Variants in GABRA3 observed in about 807,000 individuals in gnomAD.
GABRA3 encodes the protein gamma-aminobutyric acid receptor subunit alpha-3.
In GABRA3, 10 loss-of-function variants were observed where a neutral mutation model predicts 30.1. The ratio of observed to expected loss-of-function variants is 0.33; its 90% CI spans 0.20 to 0.56. The LOEUF (loss-of-function observed/expected upper bound fraction) is 0.56. Among genes scored for constraint, GABRA3 ranks in the 20% least tolerant of loss-of-function variants. GABRA3 has a pLI of 0.89. For missense variants in GABRA3, 233 were observed against 392.0 expected, an observed-to-expected ratio of 0.59 and a Z score of 3.42; for synonymous variants, 151 against 146.8, an observed-to-expected ratio of 1.03 and a Z score of -0.21.
At chrX:152,360,738 TTAAA>T (rs1374638786) in intron 2 of GABRA3, among the ~76,000 whole-genome samples, 1 of 54,136 alleles carries the variant, frequency 1.8e-5, no homozygotes, top group Non-Finnish European at 3.5e-5. Flanking sequence ...AAAAAAAAAA[TTAAA>T]AAAAAAAATA....
intron 1 of GABRA3, among the ~76,000 whole-genome samples, chrX:152,426,544 G>A (rs1437602816): frequency 2.7e-5 from 3 of 111,553 alleles, no homozygotes; most frequent in Non-Finnish European, 5.7e-5. Context: ...CAACCCTGTG[G>A]TGGGCATGGT....
intron 1 of GABRA3, among the ~76,000 whole-genome samples, chrX:152,449,940 CCAAA>C (rs1931180944): frequency 9.0e-6 from 1 of 111,698 alleles, no homozygotes; most frequent in African/African-American, 3.3e-5. Flanking sequence ...GTAATACACA[CCAAA>C]CACTCAGCCC....
intron 6 of GABRA3, among the ~76,000 whole-genome samples, chrX:152,215,553 A>G (rs1937705134): frequency 9.0e-6 from 1 of 111,309 alleles, no homozygotes; most frequent in South Asian, 3.7e-4. Flanking sequence ...CACATGTACA[A>G]GAATGAGACT....
chrX:152,418,401 T>A (rs1930288402), intron 1 of GABRA3, among the ~76,000 whole-genome samples: 1 of 111,560 alleles, frequency 9.0e-6, no homozygotes, highest in South Asian at 3.7e-4. Context: ...ATTTGGAAAT[T>A]AAGCAAATTA....
intron 5 of GABRA3, among the ~76,000 whole-genome samples, chrX:152,225,919 G>C (rs764764781): frequency 4.5e-5 from 5 of 110,619 alleles, no homozygotes; most frequent in Non-Finnish European, 9.5e-5. Context: ...TCCCCCAATG[G>C]CTTCTTCCCT....
intron 4 of GABRA3, among the ~76,000 whole-genome samples, chrX:152,275,238 T>TAA (rs1569378354): frequency 3.3e-4 from 17 of 51,282 alleles, no homozygotes; most frequent in African/African-American, 1.2e-3. Context: ...TTTATATATA[T>TAA]TTTATTATAT....
Position 152,315,674 on chromosome X carries a change from A to C in GABRA3, c.262+29907T>G, listed in dbSNP as rs183934577. On this transcript the variant is annotated intron_variant, in intron 3 of 9. Transcript: ENST00000370314. ...CATTTGTGGGAGCACGGTAGGAGTG[A>C]GACTGGCCTGTTGGGTTGCAAGGGA... Among the ~76,000 whole-genome samples the C allele has an allele frequency of 5.7e-3, 633 of 111,027 alleles. 1 individual carries two copies. The highest frequency in any genetic ancestry group is 0.019 in the South Asian group (50 of 2,613).
intron 7 of GABRA3, among the ~76,000 whole-genome samples, chrX:152,200,242 C>G (rs1177773017): frequency 1.8e-5 from 2 of 111,633 alleles, no homozygotes; most frequent in Non-Finnish European, 3.8e-5. Context: ...ACCTCTCTTC[C>G]TCCACCCACA....
chrX:152,210,425 A>T (rs958512992), intron 6 of GABRA3, among the ~76,000 whole-genome samples: 1 of 111,880 alleles, frequency 8.9e-6, no homozygotes, highest in Non-Finnish European at 1.9e-5. Flanking sequence ...GTAAAACAAA[A>T]GTGCAAGTGA....
intron 5 of GABRA3, among the ~76,000 whole-genome samples, chrX:152,225,678 A>AT (rs778734899): frequency 0.012 from 1,176 of 101,472 alleles, 15 homozygotes; most frequent in African/African-American, 0.029. Context: ...TCCCCTTCTG[A>AT]TTTTTTTTTT....
At chrX:152,428,481 C>A (rs1372572489) in intron 1 of GABRA3, among the ~76,000 whole-genome samples, 1 of 112,102 alleles carries the variant, frequency 8.9e-6, no homozygotes, top group Non-Finnish European at 1.9e-5. Flanking sequence ...GGCAACCTGC[C>A]TTTATCTAAA....
intron 1 of GABRA3, among the ~76,000 whole-genome samples, chrX:152,447,705 CATG>C (rs1034633392): frequency 8.9e-6 from 1 of 112,356 alleles, no homozygotes; most frequent in African/African-American, 3.2e-5. Context: ...TGTCACAACA[CATG>C]AACAATGCAA....
chrX:152,229,766 A>G (rs1457861816), intron 5 of GABRA3, among the ~76,000 whole-genome samples: 1 of 111,220 alleles, frequency 9.0e-6, no homozygotes, highest in Non-Finnish European at 1.9e-5. Flanking sequence ...AGTGAAATAT[A>G]GAGGCACTGT....
At chrX:152,250,567 A>G (rs1427568655) in intron 5 of GABRA3, 1 of 111,555 alleles carries the variant, frequency 9.0e-6, no homozygotes, top group Non-Finnish European at 1.9e-5. Flanking sequence ...ATATATCCAT[A>G]CCTGAATAAT....
In GABRA3 at chrX:152,417,991, A is replaced by C. The variant is rs191520219; in HGVS notation, c.-27+33155T>G. The stretch of plus-strand genomic sequence containing the variant: ...GTATACATATGTAACTAACCTGCAC[A>C]ATGTGCACATGTACCCTAAAACTTA... On this transcript the variant is annotated intron_variant, in intron 1 of 9. Transcript: ENST00000370314. Among the ~76,000 whole-genome samples the C allele has an allele frequency of 8.5e-3, 912 of 106,810 alleles. 16 individuals carry two copies. Among genetic ancestry groups the C allele is most frequent in the African/African-American group, 0.03 (879 of 29,267 alleles). The allele number at this position is 106,810 out of a possible 115,157, so 92.8% of individuals were successfully genotyped here. A position where few individuals can be genotyped will look rare whatever the true frequency, so the allele number is the denominator to read the frequency against.
At chrX:152,387,841 G>A (rs1336975284) in intron 1 of GABRA3, among the ~76,000 whole-genome samples, 4 of 111,005 alleles carry the variant, frequency 3.6e-5, no homozygotes, top group African/African-American at 1.3e-4. Flanking sequence ...TAGTGTGAGC[G>A]TAAATCTATG....
At chrX:152,430,687 T>C (rs919733120) in intron 1 of GABRA3, among the ~76,000 whole-genome samples, 1 of 111,619 alleles carries the variant, frequency 9.0e-6, no homozygotes, top group Admixed American at 9.6e-5. Context: ...AAAAAGGAAA[T>C]TCAAAGGATA....
chrX:152,433,981 A>G (rs1001380965), intron 1 of GABRA3, among the ~76,000 whole-genome samples: 1 of 112,028 alleles, frequency 8.9e-6, no homozygotes, highest in Non-Finnish European at 1.9e-5. Flanking sequence ...AGAAATAGAT[A>G]ATCTATAGCT....
At chrX:152,210,350 T>C (rs1937618180) in intron 6 of GABRA3, among the ~76,000 whole-genome samples, 1 of 112,201 alleles carries the variant, frequency 8.9e-6, no homozygotes, top group African/African-American at 3.2e-5. Context: ...AAAAAATTGA[T>C]AGATATGGTA....
Sources: gnomAD v4.1 joint callset for allele counts (sites outside exome capture counted in the v4.1 genomes callset) on GRCh38, gnomAD v4.1.1 for gene constraint, MANE v1.5 for transcripts, NCBI Gene and HGNC (gene_info 2026-07-23, HGNC 2026-07-21) for gene names.